TCF4: variants seen among roughly 807,000 people sequenced by gnomAD.
TCF4 encodes SL3-3 enhancer factor 2.
In TCF4, 3 loss-of-function variants were observed where a neutral mutation model predicts 82.1. The observed-to-expected ratio is 0.04, with a 90% CI of 0.02 to 0.09. The LOEUF (loss-of-function observed/expected upper bound fraction) is 0.09. TCF4 is among the 10% of genes least tolerant of loss of function. TCF4 has a pLI of 1.00. For missense variants in TCF4, 518 were observed against 852.7 expected (o/e 0.61, Z 4.89); for synonymous variants, 276 against 309.6 (o/e 0.89, Z 1.14).
intron 10 of TCF4, 49 bp from the exon 11 acceptor site, chr18:55,270,012 T>C: frequency 6.2e-7 from 1 of 1,609,354 alleles, no homozygotes. Flanking sequence ...ATAAGGTATT[T>C]AGTGAGTTAT....
rs1208323500 is a variant in TCF4 at position 55,229,083 on chromosome 18, G to C, written c.1650-7C>G. Reference sequence around the variant, plus strand: ...GTCCTCATCGTCATTATTGCTGTGGGACAAAAGGGATGCAACATTTTCTAA... The same window carrying C: ...GTCCTCATCGTCATTATTGCTGTGGCACAAAAGGGATGCAACATTTTCTAA... On this transcript the variant is annotated splice_polypyrimidine_tract_variant and splice_region_variant and intron_variant, in intron 17 of 19. Transcript: ENST00000354452. The C allele has an allele frequency of 1.2e-5, 20 of 1,613,698 alleles. No homozygotes were observed. Among genetic ancestry groups the C allele is most frequent in the Non-Finnish European group, 1.7e-5 (20 of 1,179,800 alleles).
intron 5 of TCF4, among the ~76,000 whole-genome samples, chr18:55,447,368 A>C (rs776367140): frequency 1.3e-5 from 2 of 152,110 alleles, no homozygotes; most frequent in African/African-American, 2.4e-5. Flanking sequence ...GTATGCAACA[A>C]CACCCTGGGA....
At chr18:55,630,631 G>GCTCCTA (rs2097730627) in intron 2 of TCF4, among the ~76,000 whole-genome samples, 2 of 152,286 alleles carry the variant, frequency 1.3e-5, no homozygotes, top group African/African-American at 4.8e-5. Flanking sequence ...TTTATTGTGT[G>GCTCCTA]GCAGAAACTC....
chr18:55,585,277 T>C lies in TCF4; in HGVS notation c.145+3A>G, dbSNP rs2147847929. On this transcript the variant is annotated splice_donor_region_variant and intron_variant, in intron 3 of 19. Transcript: ENST00000354452. ...CTTAACACTAAGAAAAGAATTTACATACTTGAGCCAGTAAAATGTCCACTT... is the reference window on the plus strand; with the variant it reads ...CTTAACACTAAGAAAAGAATTTACACACTTGAGCCAGTAAAATGTCCACTT... 6.2e-7 allele frequency: 1 copy of C among 1,613,424 alleles called. No individual in the cohort carries two copies. The highest frequency in any genetic ancestry group is 1.1e-5 in the South Asian group (1 of 91,062).
intron 6 of TCF4, among the ~76,000 whole-genome samples, chr18:55,363,502 C>T (rs960795243): frequency 2.0e-5 from 3 of 152,110 alleles, no homozygotes; most frequent in Non-Finnish European, 2.9e-5. Flanking sequence ...ACTACATACT[C>T]GTTTTTCAAA....
chr18:55,543,856 T>A (rs1326039484), intron 3 of TCF4, among the ~76,000 whole-genome samples: 1 of 152,176 alleles, frequency 6.6e-6, no homozygotes, highest in Non-Finnish European at 1.5e-5. Context: ...AAAACAGATA[T>A]GTATGTTGCC....
intron 15 of TCF4, among the ~76,000 whole-genome samples, chr18:55,253,920 CAT>C (rs917128319): frequency 5.9e-5 from 9 of 152,168 alleles, no homozygotes; most frequent in Non-Finnish European, 1.2e-4. Context: ...TCAAGGGAAA[CAT>C]GTGTCTGCAC....
At chr18:55,349,374 C>G (rs982576443) in intron 8 of TCF4, among the ~76,000 whole-genome samples, 7 of 151,964 alleles carry the variant, frequency 4.6e-5, no homozygotes, top group African/African-American at 7.3e-5. Context: ...TATTATTCTT[C>G]TAATACATTA....
At chr18:55,428,947 G>T (rs1419641767) in intron 5 of TCF4, among the ~76,000 whole-genome samples, 1 of 151,768 alleles carries the variant, frequency 6.6e-6, no homozygotes. Context: ...TCTTAATAGA[G>T]CAAAACAGAC....
At chr18:55,468,359 T>C (rs1162452917) in intron 3 of TCF4, among the ~76,000 whole-genome samples, 1 of 152,122 alleles carries the variant, frequency 6.6e-6, no homozygotes, top group Non-Finnish European at 1.5e-5. Context: ...AACCATCAGA[T>C]AAAAACACAC....
At chr18:55,577,026 C>G (rs983282972) in intron 3 of TCF4, among the ~76,000 whole-genome samples, 3 of 149,202 alleles carry the variant, frequency 2.0e-5, no homozygotes, top group Middle Eastern at 3.6e-3. Context: ...CCCTCTATGT[C>G]CTCTAATTGC....
intron 8 of TCF4, among the ~76,000 whole-genome samples, chr18:55,300,447 G>A (rs1371837350): frequency 6.6e-6 from 1 of 151,896 alleles, no homozygotes; most frequent in Non-Finnish European, 1.5e-5. Context: ...GGGTAAGTGG[G>A]GGAGGGGCTG....
At chr18:55,245,675 A>G (rs2145142788) in intron 15 of TCF4, among the ~76,000 whole-genome samples, 1 of 152,284 alleles carries the variant, frequency 6.6e-6, no homozygotes, top group South Asian at 2.1e-4. Flanking sequence ...CATGTTTATT[A>G]TATGGCTCTG....
At chr18:55,260,492 C>T (rs543263073) in intron 12 of TCF4, among the ~76,000 whole-genome samples, 4 of 152,260 alleles carry the variant, frequency 2.6e-5, no homozygotes, top group East Asian at 3.9e-4. Context: ...ACAGTGTGAA[C>T]TTTTTTAATG....
intron 3 of TCF4, chr18:55,519,029 A>G (rs2096909965): frequency 6.6e-6 from 1 of 152,204 alleles, no homozygotes; most frequent in African/African-American, 2.4e-5. Context: ...AATAGTCTTC[A>G]GCACAAAGAG....
chr18:55,505,532 C>T (rs919561367), intron 3 of TCF4, among the ~76,000 whole-genome samples: 3 of 151,972 alleles, frequency 2.0e-5, no homozygotes, highest in Admixed American at 2.0e-4. Flanking sequence ...GGGCCGGGCG[C>T]GGTGGCTCAC....
At chr18:55,463,453 T>C (rs570617722) in intron 4 of TCF4, among the ~76,000 whole-genome samples, 1 of 152,254 alleles carries the variant, frequency 6.6e-6, no homozygotes, top group East Asian at 1.9e-4. Context: ...ATTCCTTGGG[T>C]CTTCCCCAAG....
At chr18:55,351,113 C>T in intron 6 of TCF4, 110 bp from the exon 7 acceptor site, 7 of 1,361,326 alleles carry the variant, frequency 5.1e-6, no homozygotes, top group South Asian at 3.7e-5. Flanking sequence ...ACAGCATCTG[C>T]TAAGCTGAGA....
intron 3 of TCF4, chr18:55,518,833 TTG>T (rs1336938476): frequency 1.3e-5 from 2 of 152,184 alleles, no homozygotes; most frequent in Non-Finnish European, 2.9e-5. Context: ...TTGTATTTTT[TTG>T]TGTGTTTTCT....
Sources: gnomAD v4.1 joint callset for allele counts (sites outside exome capture counted in the v4.1 genomes callset) on GRCh38, gnomAD v4.1.1 for gene constraint, MANE v1.5 for transcripts, NCBI Gene and HGNC (gene_info 2026-07-23, HGNC 2026-07-21) for gene names.